Variants in HHAT observed in about 807,000 individuals in gnomAD.
The protein encoded by HHAT is protein-cysteine N-palmitoyltransferase HHAT.
In HHAT, 47 loss-of-function variants were observed where a neutral mutation model predicts 70.8. The ratio of observed to expected loss-of-function variants is 0.66; its 90% CI spans 0.53 to 0.85. HHAT has a LOEUF of 0.85. HHAT is among the 40% of genes least tolerant of loss of function. The pLI is 0.00. For synonymous variants in HHAT, 228 were observed against 247.6 expected (o/e 0.92, Z 0.74); for missense variants, 609 against 604.8 (o/e 1.01, Z -0.07).
chr1:210,404,165 C>T (rs1002685921), intron 5 of HHAT, among the ~76,000 whole-genome samples: 3 of 152,128 alleles, frequency 2.0e-5, no homozygotes, highest in Non-Finnish European at 2.9e-5. Context: ...CTGATACATG[C>T]CTAACTGGGA....
chr1:210,475,623 C>T (rs1326143647), intron 8 of HHAT, among the ~76,000 whole-genome samples: 1 of 152,114 alleles, frequency 6.6e-6, no homozygotes, highest in African/African-American at 2.4e-5. Context: ...CTTTTTCTTC[C>T]CATGGTTCAC....
intron 9 of HHAT, among the ~76,000 whole-genome samples, chr1:210,557,968 A>G (rs1056113044): frequency 2.2e-4 from 33 of 152,218 alleles, no homozygotes; most frequent in Admixed American, 1.9e-3. Flanking sequence ...AGAGGGTCAG[A>G]AGAGCATTCT....
intron 9 of HHAT, among the ~76,000 whole-genome samples, chr1:210,561,689 G>T (rs1394025486): frequency 1.3e-5 from 2 of 152,102 alleles, no homozygotes; most frequent in Non-Finnish European, 2.9e-5. Context: ...TATTTATGGG[G>T]TATAATGTGA....
At chr1:210,554,509 G>A (rs1419515331) in intron 9 of HHAT, among the ~76,000 whole-genome samples, 1 of 152,152 alleles carries the variant, frequency 6.6e-6, no homozygotes, top group Non-Finnish European at 1.5e-5. Context: ...CCAGAGACCA[G>A]GCCACCCTCC....
chr1:210,387,628 T>G, intron 4 of HHAT, 47 bp downstream of exon 4: 1 of 1,464,936 alleles, frequency 6.8e-7, no homozygotes, highest in South Asian at 1.2e-5. Flanking sequence ...TTTCCTTTGC[T>G]TCTTGTGAAG....
chr1:210,481,325 C>G (rs917876849), intron 8 of HHAT, among the ~76,000 whole-genome samples: 7 of 152,140 alleles, frequency 4.6e-5, no homozygotes, highest in Non-Finnish European at 7.4e-5. Context: ...TTAAAGATGC[C>G]TTCTTTACCA....
intron 10 of HHAT, among the ~76,000 whole-genome samples, chr1:210,606,007 C>T (rs993228358): frequency 6.6e-6 from 1 of 152,038 alleles, no homozygotes; most frequent in Non-Finnish European, 1.5e-5. Context: ...AGGTATGTGC[C>T]ACCACACCTG....
chr1:210,429,392 C>T (rs1345841430), intron 7 of HHAT, among the ~76,000 whole-genome samples: 1 of 151,816 alleles, frequency 6.6e-6, no homozygotes, highest in Non-Finnish European at 1.5e-5. Context: ...TATTAGTCTA[C>T]TTCGATCTAG....
At chr1:210,477,381 T>G (rs1323708988) in intron 8 of HHAT, among the ~76,000 whole-genome samples, 2 of 152,208 alleles carry the variant, frequency 1.3e-5, no homozygotes, top group Non-Finnish European at 2.9e-5. Flanking sequence ...AGTTGCTTTT[T>G]GTGTGTAAGA....
At chr1:210,375,300 TAC>T (rs34091092) in intron 3 of HHAT, among the ~76,000 whole-genome samples, 56,512 of 151,754 alleles carry the variant, frequency 0.37, 11,580 homozygotes, top group African/African-American at 0.56. Flanking sequence ...TATGTGTATA[TAC>T]ACACACACAT....
intron 9 of HHAT, among the ~76,000 whole-genome samples, chr1:210,544,377 T>A (rs1435899728): frequency 7.3e-6 from 1 of 137,824 alleles, no homozygotes; most frequent in African/African-American, 3.1e-5. Context: ...GTTTTTTTTT[T>A]TTTTTTTTTT....
chr1:210,540,574 A>T (rs1413533256), intron 9 of HHAT, among the ~76,000 whole-genome samples: 1 of 150,130 alleles, frequency 6.7e-6, no homozygotes, highest in Non-Finnish European at 1.5e-5. Context: ...TAGTGTGTAT[A>T]AAAATATATA....
At chr1:210,501,283 C>A (rs186713503) in intron 8 of HHAT, among the ~76,000 whole-genome samples, 25 of 152,380 alleles carry the variant, frequency 1.6e-4, no homozygotes, top group Admixed American at 7.8e-4. Flanking sequence ...GCCCCAACCT[C>A]TGCCCTTTGC....
In HHAT at chr1:210,623,587, C is replaced by T. The variant is rs952228974; in HGVS notation, c.1307C>T (p.Thr436Ile). The T allele has an allele frequency of 8.1e-6, 13 of 1,613,970 alleles. No homozygotes were observed. The highest frequency in any genetic ancestry group is 1.6e-4 in the Middle Eastern group (1 of 6,082). ...CACGCTGCCCTTGCTTCTTGTTCCA[C>T]CTCGATGCTGATCCTGTCCAACCTG... ...RFHAALASCS[T>I]SMLILSNLVF... The change falls in exon 11 of 12, where the codon ACC becomes ATC. Residue 436 changes from threonine to isoleucine, a missense_variant. Coordinates refer to ENST00000261458, the MANE Select transcript of HHAT (RefSeq NM_018194.6).
At chr1:210,549,261 ATGT>A (rs952494543) in intron 9 of HHAT, among the ~76,000 whole-genome samples, 5 of 149,026 alleles carry the variant, frequency 3.4e-5, no homozygotes, top group Non-Finnish European at 7.4e-5. Context: ...GAATGATCAG[ATGT>A]TGTCTGTTTT....
At chr1:210,388,734 C>T (rs1318170255) in intron 4 of HHAT, among the ~76,000 whole-genome samples, 1 of 152,052 alleles carries the variant, frequency 6.6e-6, no homozygotes, top group African/African-American at 2.4e-5. Flanking sequence ...TTTCTTTACT[C>T]CCACAAATTT....
chr1:210,643,021 G>T (rs1255578048), intron 11 of HHAT, among the ~76,000 whole-genome samples: 1 of 152,076 alleles, frequency 6.6e-6, no homozygotes, highest in East Asian at 1.9e-4. Context: ...TATTAATTTT[G>T]TGTATAATGT....
Position 210,400,630 on chromosome 1 carries a change from A to G in HHAT, c.436A>G (p.Thr146Ala), listed in dbSNP as rs765941795. ...TWLCSLLLLS[T>A]LRLQGVEEVK... is the part of the protein sequence containing the mutation. ...GCTCTGTTCTCTCCTCCTCCTCTCC[A>G]CACTGAGGCTGCAGGGTGTGGAAGA... Residue 146 changes from threonine to alanine, a missense_variant, in exon 5 of 12, where the codon ACA becomes GCA. Thr to Ala is a moderately conservative substitution (Grantham distance 58). Transcript: ENST00000261458. 5 of 1,613,662 alleles carry G rather than the reference A, an allele frequency of 3.1e-6. No individual in the cohort carries two copies. Among genetic ancestry groups the G allele is most frequent in the Middle Eastern group, 1.7e-4 (1 of 6,058 alleles).
chr1:210,512,533 G>A (rs1438335703), intron 8 of HHAT, among the ~76,000 whole-genome samples: 3 of 152,054 alleles, frequency 2.0e-5, no homozygotes, highest in South Asian at 2.1e-4. Context: ...TTAGCCAGGC[G>A]TGGTGATGCA....
Sources: gnomAD v4.1 joint callset for allele counts (sites outside exome capture counted in the v4.1 genomes callset) on GRCh38, gnomAD v4.1.1 for gene constraint, MANE v1.5 for transcripts, NCBI Gene and HGNC (gene_info 2026-07-23, HGNC 2026-07-21) for gene names.